SRCAP: variants seen among roughly 807,000 people sequenced by gnomAD.
SRCAP encodes Snf2 related CREBBP activator protein.
A neutral mutation model predicts 263.1 loss-of-function variants in SRCAP; 46 were observed. The observed-to-expected ratio is 0.17, with a 90% CI of 0.14 to 0.22. The LOEUF (loss-of-function observed/expected upper bound fraction) is 0.22, where lower values mean the gene tolerates loss of function less well. Ranked by LOEUF, SRCAP falls within the 10% of genes least tolerant of loss-of-function variation. The pLI, the probability that SRCAP is intolerant of heterozygous loss-of-function variation, is 1.00. For synonymous variants in SRCAP, 1,813 were observed against 1,662.1 expected (o/e 1.09, Z -2.21); for missense variants, 3,695 against 4,181.9 (o/e 0.88, Z 3.21).
intron 33 of SRCAP, 43 bp downstream of exon 33, chr16:30,736,667 A>G: frequency 6.3e-7 from 1 of 1,595,460 alleles, no homozygotes; most frequent in Non-Finnish European, 8.6e-7. Flanking sequence ...GAAGCTGCTA[A>G]TTTCTTTTTC....
chr16:30,735,817 G>A (rs992415671), intron 31 of SRCAP, among the ~76,000 whole-genome samples: 1 of 151,804 alleles, frequency 6.6e-6, no homozygotes, highest in Non-Finnish European at 1.5e-5. Flanking sequence ...CTGACCTCAT[G>A]ATCTGCCCGC....
At position 30,739,624 on chromosome 16, in the gene SRCAP, G is replaced by A. The variant is rs759384096; in HGVS notation, c.9584G>A (p.Arg3195Gln). 1.4e-5 allele frequency: 22 copies of A among 1,591,100 alleles called. No homozygotes were observed. The highest frequency in any genetic ancestry group is 1.8e-5 in the Non-Finnish European group (21 of 1,169,772). ...GTPRRRPGPR[R>Q]LVGTTNQGDQ... ...CCACGCCGACGTCCTGGCCCCCGCC[G>A]GCTTGTTGGGACCACCAACCAAGGG... Residue 3195 changes from arginine (R) to glutamine (Q), a missense_variant, in exon 34 of 34, where the codon CGG (arginine) becomes CAG (glutamine). Physicochemically the swap from Arg to Gln is conservative, Grantham distance 43 (BLOSUM62 1). Around this residue, in one of 12 missense-constraint regions of SRCAP, gnomAD observed 1,207 missense variants for 1,142.9 expected, o/e 1.06. Transcript: ENST00000262518.
chr16:30,716,722 A>G (rs983568517), intron 18 of SRCAP, among the ~76,000 whole-genome samples: 1 of 152,172 alleles, frequency 6.6e-6, no homozygotes, highest in African/African-American at 2.4e-5. Context: ...ACTTAGAATG[A>G]TTCAGCTTAC....
chr16:30,722,676 G>T lies in SRCAP; in HGVS notation c.3820G>T (p.Val1274Leu). 2 of 1,613,798 alleles carry T rather than the reference G, an allele frequency of 1.2e-6. No homozygotes were observed. The highest frequency in any genetic ancestry group is 1.7e-6 in the Non-Finnish European group (2 of 1,179,978). Residue 1274 changes from valine (V) to leucine (L), a missense_variant, in exon 23 of 34, where the codon GTG becomes TTG. By Grantham distance (32) the Val-to-Leu change is conservative (BLOSUM62 1). Around this residue, in one of 12 missense-constraint regions of SRCAP, gnomAD observed 1,347 missense variants for 1,304.4 expected, o/e 1.03. Transcript: ENST00000262518. ...GACCCCTGGCCCTACCCCTGTCTCTGTGCTGCCTTCTTCGACCCCCAGCAC... is the reference window on the plus strand; with the variant it reads ...GACCCCTGGCCCTACCCCTGTCTCTTTGCTGCCTTCTTCGACCCCCAGCAC... ...APTPGPTPVS[V>L]LPSSTPSTTP...
chr16:30,735,427 T>C (rs2053151377), intron 31 of SRCAP, among the ~76,000 whole-genome samples: 1 of 151,828 alleles, frequency 6.6e-6, no homozygotes, highest in African/African-American at 2.4e-5. Flanking sequence ...ATTACAGGCG[T>C]GAGCCACCGC....
chr16:30,701,952 CT>C (rs1390062542), intron 3 of SRCAP, among the ~76,000 whole-genome samples: 2,572 of 139,160 alleles, frequency 0.018, 57 homozygotes, highest in African/African-American at 0.053. Context: ...TTCTTTCTTT[CT>C]TTTTTTTTTT....
At chr16:30,703,923 C>G (rs559113048) in intron 3 of SRCAP, 141 bp from the exon 4 acceptor site, 2 of 1,045,952 alleles carry the variant, frequency 1.9e-6, no homozygotes, top group African/African-American at 3.2e-5. Context: ...AACTTTATCC[C>G]GAACGTTTGT....
Position 30,737,432 on chromosome 16 carries a change from C to T in SRCAP, c.7392C>T (p.Ala2464=). The T allele has an allele frequency of 1.3e-6, 2 of 1,598,886 alleles. No homozygotes were observed. Among genetic ancestry groups the T allele is most frequent in the East Asian group, 2.3e-5 (1 of 43,804 alleles). ...CCCTTGTTCCTGTCCCAGTTTCTGC[C>T]CCAGTACCCATTTCAGCCCCAAATC... ...IPALVPVPVS[A]PVPISAPNPI... is the part of the protein sequence containing the mutation. The change falls in exon 34 of 34, where the codon GCC becomes GCT. Residue 2464 remains alanine (A), a synonymous_variant. Transcript: ENST00000262518.
chr16:30,710,905 C>CT (rs1256100310), intron 9 of SRCAP, 58 bp downstream of exon 9: 2 of 1,603,220 alleles, frequency 1.2e-6, no homozygotes, highest in Non-Finnish European at 1.7e-6. Flanking sequence ...TTGTCTGGAC[C>CT]TAACCTTTCA....
At position 30,737,655 on chromosome 16, in the gene SRCAP, T is replaced by C. The variant is rs866735880; in HGVS notation, c.7615T>C (p.Ser2539Pro). ...LGPPSVPISA[S>P]VTNLPLGLRP... ...TCCACCTTCTGTGCCCATCTCTGCC[T>C]CAGTCACTAATCTCCCCTTGGGCTT... Residue 2539 changes from serine (S) to proline (P), a missense_variant, in exon 34 of 34, where the codon TCA becomes CCA. Coordinates refer to ENST00000262518, the MANE Select transcript of SRCAP (RefSeq NM_006662.3). The C allele has an allele frequency of 6.2e-7, 1 of 1,614,036 alleles. No homozygotes were observed. Among genetic ancestry groups the C allele is most frequent in the Non-Finnish European group, 8.5e-7 (1 of 1,180,000 alleles).
At chr16:30,714,432 A>G (rs889468082) in intron 16 of SRCAP, among the ~76,000 whole-genome samples, 2 of 149,854 alleles carry the variant, frequency 1.3e-5, no homozygotes, top group Non-Finnish European at 1.5e-5. Flanking sequence ...GATGGTCTCG[A>G]TCTCCTGACC....
intron 3 of SRCAP, among the ~76,000 whole-genome samples, chr16:30,703,597 A>G (rs2052793339): frequency 6.6e-6 from 1 of 151,914 alleles, no homozygotes; most frequent in African/African-American, 2.4e-5. Flanking sequence ...TGAGTCCCTT[A>G]TTAAAACTTT....
At position 30,739,733 on chromosome 16, in the gene SRCAP, A is replaced by G; in HGVS notation, c.9693A>G (p.Ter3231TrpextTer7). The change falls in exon 34 of 34, where the codon TGA (stop) becomes TGG (tryptophan). Residue 3231 changes from the stop codon to tryptophan, a stop_lost. Coordinates refer to ENST00000262518, the MANE Select transcript of SRCAP (RefSeq NM_006662.3). ...VSHRGRKAKT[*>W] is the part of the protein sequence containing the mutation. ...ACAGAGGCCGCAAGGCCAAGACGTG[A>G]GTGGGCTGCCCCTCCACCTAGGCTT... 6.8e-7 allele frequency: 1 copy of G among 1,469,734 alleles called. No homozygotes were observed. Among genetic ancestry groups the G allele is most frequent in the Non-Finnish European group, 9.0e-7 (1 of 1,109,292 alleles). The allele number at this position is 1,469,734 out of a possible 1,614,324, so 91.0% of individuals were successfully genotyped here.
intron 4 of SRCAP, among the ~76,000 whole-genome samples, chr16:30,705,423 G>C (rs913178415): frequency 6.6e-6 from 1 of 152,032 alleles, no homozygotes; most frequent in Non-Finnish European, 1.5e-5. Flanking sequence ...TGTTGAGACG[G>C]AGTCTCGCTC....
rs371049697 is a variant in SRCAP at position 30,736,482 on chromosome 16, G to T, written c.6925-59G>T. ...TGTCTTCCCTGGTGGGAATAAATAA[G>T]GGTGGTGGGGCCCTGGGTACCAGGT... On this transcript the variant is annotated intron_variant, in intron 32 of 33. Transcript: ENST00000262518. 3.1e-4 allele frequency: 496 copies of T among 1,611,686 alleles called. 7 individuals carry two copies. In the South Asian group the frequency reaches 4.8e-3, roughly 16 times the overall value.
chr16:30,700,842 C>G lies in SRCAP; in HGVS notation c.18C>G (p.Ser6=), dbSNP rs772300957. 5.0e-6 allele frequency: 8 copies of G among 1,614,174 alleles called. No homozygotes were observed. The highest frequency in any genetic ancestry group is 6.8e-6 in the Non-Finnish European group (8 of 1,180,010). The change falls in exon 3 of 34, where the codon TCC becomes TCG. Residue 6 remains serine (S), a synonymous_variant. Coordinates refer to ENST00000262518, the MANE Select transcript of SRCAP (RefSeq NM_006662.3). ...GTGGGACCATGCAGAGCAGCCCCTC[C>G]CCTGCTCACCCTCAGCTCCCAGTCC... MQSSP[S]PAHPQLPVLQ... is the part of the protein sequence containing the mutation.
rs776458047 is a variant in SRCAP at position 30,704,223 on chromosome 16, G to A, written c.214G>A (p.Glu72Lys). The part of the protein sequence containing the change: ...GPPDGATVPL[E>K]GFSLSQAADL... ...CCCAGATGGTGCCACAGTGCCCCTGGAGGGGTTCAGCTTATCCCAGGCTGC... is the reference window on the plus strand; with the variant it reads ...CCCAGATGGTGCCACAGTGCCCCTGAAGGGGTTCAGCTTATCCCAGGCTGC... The change falls in exon 4 of 34, where the codon GAG becomes AAG. Residue 72 changes from glutamate (E) to lysine (K), a missense_variant. Physicochemically the swap from Glu to Lys is moderately conservative, Grantham distance 56. This residue lies in a region of SRCAP where 122 missense variants were observed against 116.9 expected (regional missense o/e 1.04). Transcript: ENST00000262518. 1.2e-6 allele frequency: 2 copies of A among 1,614,192 alleles called. No homozygotes were observed.
chr16:30,705,574 G>T (rs2052817832), intron 4 of SRCAP, among the ~76,000 whole-genome samples: 1 of 150,792 alleles, frequency 6.6e-6, no homozygotes. Flanking sequence ...TAAATTTTTT[G>T]TATTTTTAGT....
chr16:30,726,883 G>A (rs1053083843), intron 25 of SRCAP, among the ~76,000 whole-genome samples: 30 of 152,202 alleles, frequency 2.0e-4, no homozygotes, highest in African/African-American at 6.5e-4. Context: ...TTTATTTTTA[G>A]TAGAGATGGG....
Sources: gnomAD v4.1 joint callset for allele counts (sites outside exome capture counted in the v4.1 genomes callset) on GRCh38, gnomAD v4.1.1 for gene constraint, gnomAD v4.1.1 regional missense constraint, MANE v1.5 for transcripts, NCBI Gene and HGNC (gene_info 2026-07-23, HGNC 2026-07-21) for gene names.